Variants in FRMD4B observed in about 807,000 individuals in gnomAD.
The protein encoded by FRMD4B is FERM domain containing 4B, also known as FERM domain-containing protein 4B.
FRMD4B carries 74 observed loss-of-function variants against 141.5 expected under a neutral mutation model. That is an observed-to-expected ratio of 0.52 (90% CI 0.43 to 0.63). The LOEUF is 0.63. Ranked by LOEUF, FRMD4B falls within the 30% of genes least tolerant of loss-of-function variation. The pLI is 0.00. For missense variants in FRMD4B, 1,366 were observed against 1,253.4 expected (o/e 1.09, Z -1.36); for synonymous variants, 506 against 467.9 (o/e 1.08, Z -1.05).
chr3:69,377,663 T>C (rs1422796704), intron 1 of FRMD4B, among the ~76,000 whole-genome samples: 1 of 152,132 alleles, frequency 6.6e-6, no homozygotes, highest in African/African-American at 2.4e-5. Flanking sequence ...TCTCCAATAA[T>C]GGGTTAATGA....
chr3:69,380,784 T>C (rs953167802), intron 1 of FRMD4B, among the ~76,000 whole-genome samples: 2 of 152,190 alleles, frequency 1.3e-5, no homozygotes. Context: ...AATGACTCCC[T>C]TCAGGGTTTG....
intron 11 of FRMD4B, among the ~76,000 whole-genome samples, chr3:69,204,587 C>T (rs2093003796): frequency 6.6e-6 from 1 of 152,172 alleles, no homozygotes; most frequent in African/African-American, 2.4e-5. Context: ...ACACATGATA[C>T]ATATACTGTT....
chr3:69,240,635 G>A (rs139113866), intron 7 of FRMD4B, among the ~76,000 whole-genome samples: 1 of 152,244 alleles, frequency 6.6e-6, no homozygotes, highest in East Asian at 1.9e-4. Flanking sequence ...TGGTCAACTT[G>A]AAGCCCCAAC....
At chr3:69,322,222 G>A (rs1035122389) in intron 1 of FRMD4B, among the ~76,000 whole-genome samples, 4 of 152,330 alleles carry the variant, frequency 2.6e-5, no homozygotes, top group East Asian at 3.9e-4. Context: ...GATCTATTGA[G>A]TGGATGGAGT....
At chr3:69,173,151 T>C (rs2092606816) in intron 22 of FRMD4B, among the ~76,000 whole-genome samples, 1 of 151,936 alleles carries the variant, frequency 6.6e-6, no homozygotes, top group South Asian at 2.1e-4. Context: ...TAGAGTTAGA[T>C]AGGAAAGGAG....
At position 69,225,694 on chromosome 3, in the gene FRMD4B, C is replaced by CAAAA. The variant is rs144489759; in HGVS notation, c.582-1008_582-1005dup. On this transcript the variant is annotated intron_variant, in intron 7 of 22. Coordinates refer to ENST00000398540, the MANE Select transcript of FRMD4B (RefSeq NM_015123.3). ...TTGGCGACAGAGCAAGACTCCGTCT[C>CAAAA]AAAAAAAAAAAAAAAAAAAAAAAAA... Among the ~76,000 whole-genome samples, 67 of 23,344 alleles carry CAAAA rather than the reference C, an allele frequency of 2.9e-3. 7 individuals carry two copies. Among genetic ancestry groups the CAAAA allele is most frequent in the African/African-American group, 0.012 (65 of 5,420 alleles). The allele number at this position is 23,344 out of a possible 152,430, so 15.3% of individuals were successfully genotyped here.
intron 2 of FRMD4B, among the ~76,000 whole-genome samples, chr3:69,393,286 A>C (rs76377603): frequency 3.0e-4 from 45 of 151,340 alleles, no homozygotes; most frequent in African/African-American, 1.1e-3. Context: ...CTCCTTGCTC[A>C]AAGAAAAGAG....
intron 1 of FRMD4B, among the ~76,000 whole-genome samples, chr3:69,466,250 C>A (rs557170335): frequency 6.6e-6 from 1 of 152,064 alleles, no homozygotes; most frequent in East Asian, 1.9e-4. Flanking sequence ...TTGTTTTTTT[C>A]TTGTAAATTT....
chr3:69,368,188 T>C (rs536363221), intron 1 of FRMD4B, among the ~76,000 whole-genome samples: 1 of 152,222 alleles, frequency 6.6e-6, no homozygotes, highest in Non-Finnish European at 1.5e-5. Flanking sequence ...CGAGATATCA[T>C]GTTCCCATTT....
At chr3:69,390,099 G>T (rs1204099065), upstream of FRMD4B, among the ~76,000 whole-genome samples, 1 of 152,118 alleles carries the variant, frequency 6.6e-6, no homozygotes. Context: ...GCTCCTGTAG[G>T]TTCTCCTTTG....
At chr3:69,330,649 T>TC (rs1306694597) in intron 1 of FRMD4B, among the ~76,000 whole-genome samples, 1 of 150,672 alleles carries the variant, frequency 6.6e-6, no homozygotes. Flanking sequence ...CTGGCCGCCT[T>TC]TTTTTTTTCC....
Position 69,285,736 on chromosome 3 carries a change from C to T in FRMD4B, c.501+2016G>A, listed in dbSNP as rs140990330. ...GTGCACACCTATAGTCCCAGCTACT[C>T]GGGAGGCTGAGGCAGGCGAATTGCT... On this transcript the variant is annotated intron_variant, in intron 5 of 22. Coordinates refer to ENST00000398540, the MANE Select transcript of FRMD4B (RefSeq NM_015123.3). 2.3e-3 allele frequency among the ~76,000 whole-genome samples: 347 copies of T among 152,002 alleles called. 6 individuals are homozygous for T. The East Asian group carries it at 0.036, about 16-fold the overall frequency.
At chr3:69,456,164 A>C (rs538795382) in intron 1 of FRMD4B, among the ~76,000 whole-genome samples, 1 of 151,390 alleles carries the variant, frequency 6.6e-6, no homozygotes, top group Non-Finnish European at 1.5e-5. Context: ...AGGGCTCCCT[A>C]CCTCTTCCTT....
intron 5 of FRMD4B, among the ~76,000 whole-genome samples, chr3:69,276,831 G>A (rs1332643480): frequency 2.0e-5 from 3 of 152,158 alleles, no homozygotes; most frequent in Admixed American, 6.5e-5. Flanking sequence ...CGGGCATGGC[G>A]GCACGTGCCT....
chr3:69,194,079 C>T (rs941262269), intron 16 of FRMD4B, among the ~76,000 whole-genome samples: 1 of 152,236 alleles, frequency 6.6e-6, no homozygotes, highest in Non-Finnish European at 1.5e-5. Context: ...CAAACCTCTT[C>T]CCTTTTCAAG....
intron 1 of FRMD4B, among the ~76,000 whole-genome samples, chr3:69,475,717 T>TACCC (rs902422079): frequency 1.3e-5 from 2 of 152,046 alleles, no homozygotes; most frequent in African/African-American, 4.8e-5. Context: ...TTTGGGTATA[T>TACCC]ACCCAGTAAT....
chr3:69,363,186 G>A, intron 1 of FRMD4B, among the ~76,000 whole-genome samples: 1 of 150,100 alleles, frequency 6.7e-6, no homozygotes, highest in African/African-American at 2.5e-5. Flanking sequence ...TTGCAATATA[G>A]CTGCCATCCT....
intron 3 of FRMD4B, among the ~76,000 whole-genome samples, chr3:69,303,401 A>G (rs1701282858): frequency 6.6e-6 from 1 of 152,158 alleles, no homozygotes; most frequent in African/African-American, 2.4e-5. Flanking sequence ...ATATTAAATG[A>G]AAAAGCAAGA....
At chr3:69,273,885 T>A (rs2093606144) in intron 5 of FRMD4B, among the ~76,000 whole-genome samples, 1 of 151,398 alleles carries the variant, frequency 6.6e-6, no homozygotes, top group South Asian at 2.1e-4. Flanking sequence ...TTGAAAGAAT[T>A]TAACTCCCTG....
Sources: allele counts gnomAD v4.1 joint callset (sites outside exome capture counted in the v4.1 genomes callset), GRCh38; gene constraint gnomAD v4.1.1; transcripts MANE v1.5; gene names NCBI Gene and HGNC (gene_info 2026-07-23, HGNC 2026-07-21).